CNTNAP2: variants seen among roughly 807,000 people sequenced by gnomAD.
The protein encoded by CNTNAP2 is contactin-associated protein-like 2.
CNTNAP2 carries 98 observed loss-of-function variants against 155.2 expected under a neutral mutation model. The observed-to-expected ratio is 0.63, with a 90% CI of 0.54 to 0.75. The LOEUF (loss-of-function observed/expected upper bound fraction) is 0.75. Ranked by LOEUF, CNTNAP2 falls within the 30% of genes least tolerant of loss-of-function variation. CNTNAP2 has a pLI of 0.00. For synonymous variants in CNTNAP2, 651 were observed against 631.2 expected, an observed-to-expected ratio of 1.03 and a Z score of -0.47; for missense variants, 1,727 against 1,688.1, an observed-to-expected ratio of 1.02 and a Z score of -0.40.
intron 1 of CNTNAP2, among the ~76,000 whole-genome samples, chr7:146,411,061 A>G (rs1430318203): frequency 1.3e-5 from 2 of 152,174 alleles, no homozygotes; most frequent in Non-Finnish European, 2.9e-5. Flanking sequence ...GAAAAATGCA[A>G]TGAACCTGGA....
intron 10 of CNTNAP2, among the ~76,000 whole-genome samples, chr7:147,417,839 A>C (rs775557848): frequency 3.1e-4 from 47 of 152,234 alleles, no homozygotes; most frequent in Non-Finnish European, 5.9e-4. Flanking sequence ...AAAGTGTATT[A>C]AATATTTGAG....
At chr7:146,714,094 T>G (rs11972760) in intron 1 of CNTNAP2, among the ~76,000 whole-genome samples, 10,077 of 152,150 alleles carry the variant, frequency 0.066, 838 homozygotes, top group African/African-American at 0.2. Context: ...TCTGCCTGAC[T>G]CACCCTTTAA....
intron 1 of CNTNAP2, among the ~76,000 whole-genome samples, chr7:146,753,018 A>G (rs1049799677): frequency 3.9e-5 from 6 of 152,164 alleles, no homozygotes; most frequent in Non-Finnish European, 7.4e-5. Context: ...GGCAGAGTTC[A>G]TAGAGCCTGA....
At chr7:147,942,340 G>T (rs1800739801) in intron 14 of CNTNAP2, among the ~76,000 whole-genome samples, 2 of 142,654 alleles carry the variant, frequency 1.4e-5, no homozygotes, top group East Asian at 5.4e-4. Context: ...AAATAGTTAA[G>T]TTCGTTGTAG....
intron 12 of CNTNAP2, among the ~76,000 whole-genome samples, chr7:147,586,569 G>A (rs1449169882): frequency 6.5e-5 from 8 of 122,390 alleles, no homozygotes; most frequent in South Asian, 3.4e-4. Context: ...GAGGGAGGGA[G>A]GGAGGGAGGG....
chr7:147,176,797 T>G (rs1802353874), intron 8 of CNTNAP2, among the ~76,000 whole-genome samples: 2 of 123,896 alleles, frequency 1.6e-5, no homozygotes, highest in South Asian at 4.5e-4. Flanking sequence ...AATTATATAT[T>G]ATAATATATA....
chr7:146,449,134 T>C (rs1039212801), intron 1 of CNTNAP2, among the ~76,000 whole-genome samples: 1 of 152,160 alleles, frequency 6.6e-6, no homozygotes, highest in Non-Finnish European at 1.5e-5. Flanking sequence ...TTGAGTTTTT[T>C]ATTTTGCTTA....
intron 13 of CNTNAP2, among the ~76,000 whole-genome samples, chr7:147,683,405 TGATAA>T (rs1413192492): frequency 1.3e-4 from 19 of 151,882 alleles, no homozygotes; most frequent in South Asian, 2.1e-4. Flanking sequence ...AAGAAATACC[TGATAA>T]GATAAGTTTT....
intron 1 of CNTNAP2, among the ~76,000 whole-genome samples, chr7:146,677,874 G>C (rs1407763640): frequency 6.6e-6 from 1 of 151,968 alleles, no homozygotes; most frequent in Non-Finnish European, 1.5e-5. Flanking sequence ...CCCAGACGTG[G>C]GTGCAGGGGT....
chr7:147,402,337 C>G (rs1236682604), intron 10 of CNTNAP2, among the ~76,000 whole-genome samples: 1 of 152,214 alleles, frequency 6.6e-6, no homozygotes, highest in Non-Finnish European at 1.5e-5. Flanking sequence ...AGTCCCCAGC[C>G]TGGTCGGCCT....
At chr7:147,421,501 T>C (rs1797289850) in intron 10 of CNTNAP2, among the ~76,000 whole-genome samples, 1 of 151,438 alleles carries the variant, frequency 6.6e-6, no homozygotes, top group Non-Finnish European at 1.5e-5. Context: ...TTTATCCACA[T>C]TATCTAAATT....
chr7:147,627,859 C>A, intron 12 of CNTNAP2, among the ~76,000 whole-genome samples: 1 of 150,728 alleles, frequency 6.6e-6, no homozygotes, highest in Admixed American at 6.6e-5. Flanking sequence ...CAACAATAGA[C>A]TAGAACAAGT....
chr7:148,297,793 T>C (rs1277430586), intron 21 of CNTNAP2, among the ~76,000 whole-genome samples: 1 of 152,144 alleles, frequency 6.6e-6, no homozygotes, highest in Non-Finnish European at 1.5e-5. Flanking sequence ...CTTTTTTCAG[T>C]GCTGAGACAT....
rs1353874032 is a variant in CNTNAP2, at chr7:146,887,369, G to C, written c.402+47465G>C. 2.6e-5 allele frequency among the ~76,000 whole-genome samples: 4 copies of C among 151,836 alleles called. No homozygotes were observed. The South Asian group carries it at 6.2e-4, about 24-fold the overall frequency. On this transcript the variant is annotated intron_variant, in intron 3 of 23. Coordinates refer to ENST00000361727, the MANE Select transcript of CNTNAP2 (RefSeq NM_014141.6). ...TTTTTTGTATTTTTAATAGAGACAG[G>C]TTTCTCCATGTTGGCCAGGCTGGTC... is the stretch of plus-strand genomic sequence containing the variant.
chr7:146,235,404 G>C (rs1473564568), intron 1 of CNTNAP2, among the ~76,000 whole-genome samples: 1 of 151,996 alleles, frequency 6.6e-6, no homozygotes, highest in African/African-American at 2.4e-5. Context: ...GGCTCTCCTG[G>C]AAGCTGGCTG....
intron 1 of CNTNAP2, among the ~76,000 whole-genome samples, chr7:146,631,078 CAA>C (rs1469689504): frequency 6.6e-6 from 1 of 151,852 alleles, no homozygotes; most frequent in South Asian, 2.1e-4. Flanking sequence ...TTCATATGGA[CAA>C]AAAAAGAGCC....
chr7:146,521,954 A>G (rs1797622405), intron 1 of CNTNAP2, among the ~76,000 whole-genome samples: 1 of 151,888 alleles, frequency 6.6e-6, no homozygotes, highest in South Asian at 2.1e-4. Context: ...TAAAACACAC[A>G]AATGATGACT....
At chr7:147,370,751 A>G (rs971323305) in intron 9 of CNTNAP2, among the ~76,000 whole-genome samples, 1 of 152,178 alleles carries the variant, frequency 6.6e-6, no homozygotes, top group African/African-American at 2.4e-5. Context: ...CCAATGTTCT[A>G]TTAGATGAGA....
intron 12 of CNTNAP2, among the ~76,000 whole-genome samples, chr7:147,597,569 G>A (rs1800848279): frequency 6.6e-6 from 1 of 152,020 alleles, no homozygotes. Flanking sequence ...CCACTAACAA[G>A]CCCCATTACC....
Sources: gnomAD v4.1 joint callset for allele counts (sites outside exome capture counted in the v4.1 genomes callset) on GRCh38, gnomAD v4.1.1 for gene constraint, MANE v1.5 for transcripts, NCBI Gene and HGNC (gene_info 2026-07-23, HGNC 2026-07-21) for gene names.